Variants in RNF24 observed in about 807,000 individuals in gnomAD.
RNF24 encodes the protein ring finger protein 24.
RNF24 carries 14 observed loss-of-function variants against 20.0 expected under a neutral mutation model. The observed-to-expected ratio is 0.70, with a 90% CI of 0.46 to 1.10. RNF24 has a LOEUF of 1.10. Ranked by LOEUF, RNF24 falls within the 50% of genes least tolerant of loss-of-function variation. RNF24 has a pLI of 0.00. For synonymous variants in RNF24, 45 were observed against 61.1 expected, an observed-to-expected ratio of 0.74 and a Z score of 1.23; for missense variants, 124 against 177.6, an observed-to-expected ratio of 0.70 and a Z score of 1.71.
At chr20:3,941,180 T>C (rs2090951057) in intron 4 of RNF24, among the ~76,000 whole-genome samples, 1 of 152,148 alleles carries the variant, frequency 6.6e-6, no homozygotes, top group South Asian at 2.1e-4. Flanking sequence ...AGGTATGTGC[T>C]ACCTGTAAGT....
intron 4 of RNF24, among the ~76,000 whole-genome samples, chr20:3,935,739 C>A (rs1411807231): frequency 6.6e-6 from 1 of 152,238 alleles, no homozygotes; most frequent in African/African-American, 2.4e-5. Context: ...TGGGTTCCAA[C>A]ACTTTCCTGG....
chr20:3,976,376 C>T (rs1246565140), intron 1 of RNF24, among the ~76,000 whole-genome samples: 1 of 152,146 alleles, frequency 6.6e-6, no homozygotes, highest in African/African-American at 2.4e-5. Flanking sequence ...TGTAACAACA[C>T]CAAATGCTGG....
chr20:4,000,054 TG>T (rs2147062809), intron 1 of RNF24, among the ~76,000 whole-genome samples: 1 of 152,214 alleles, frequency 6.6e-6, no homozygotes, highest in East Asian at 1.9e-4. Context: ...CCATTCTTTT[TG>T]GAATAATGAT....
At position 3,948,219 on chromosome 20, in the gene RNF24, CTG is replaced by C. The variant is rs1425449174; in HGVS notation, c.186+16_186+17del. On this transcript the variant is annotated intron_variant, in intron 3 of 5. Coordinates refer to ENST00000358395, the MANE Select transcript of RNF24 (RefSeq NM_001134337.3). ...GGGGAAAAAAAAAATCAAAGCCAATCTGAATTAAATTTCTCACCTGTTTGTAG... is the reference window on the plus strand; with the variant it reads ...GGGGAAAAAAAAAATCAAAGCCAATCAATTAAATTTCTCACCTGTTTGTAG... 1 of 1,567,636 alleles carries C rather than the reference CTG, an allele frequency of 6.4e-7. No individual in the cohort carries two copies. Among genetic ancestry groups the C allele is most frequent in the South Asian group, 1.2e-5 (1 of 83,548 alleles).
chr20:3,989,815 T>C (rs571339764), intron 1 of RNF24, among the ~76,000 whole-genome samples: 9 of 152,312 alleles, frequency 5.9e-5, no homozygotes, highest in Admixed American at 3.9e-4. Flanking sequence ...ACTCCATTAG[T>C]TTCTGAGTGA....
intron 4 of RNF24, among the ~76,000 whole-genome samples, chr20:3,943,839 A>G (rs1251696138): frequency 6.6e-6 from 1 of 152,234 alleles, no homozygotes; most frequent in Non-Finnish European, 1.5e-5. Context: ...AAAAGACTCC[A>G]AATGGGAAAC....
At chr20:3,955,512 C>G (rs879692624) in intron 2 of RNF24, among the ~76,000 whole-genome samples, 1 of 152,152 alleles carries the variant, frequency 6.6e-6, no homozygotes, top group African/African-American at 2.4e-5. Flanking sequence ...TATACCAGTA[C>G]CACAATTTTT....
intron 1 of RNF24, among the ~76,000 whole-genome samples, chr20:3,968,424 C>T (rs2146998939): frequency 6.6e-6 from 1 of 152,266 alleles, no homozygotes; most frequent in South Asian, 2.1e-4. Context: ...GCCTGGGAGA[C>T]ACAGGGAGAC....
chr20:3,977,466 G>A (rs1600681503), intron 1 of RNF24, among the ~76,000 whole-genome samples: 1 of 152,060 alleles, frequency 6.6e-6, no homozygotes, highest in East Asian at 1.9e-4. Flanking sequence ...GTAAAAAGGG[G>A]AAGAAGGGGG....
chr20:3,946,959 G>C (rs1163336502), intron 3 of RNF24, among the ~76,000 whole-genome samples: 1 of 152,068 alleles, frequency 6.6e-6, no homozygotes, highest in Non-Finnish European at 1.5e-5. Context: ...TTGGGAGGCC[G>C]AGGTGGGTGG....
chr20:4,003,803 T>C (rs1449120645), intron 1 of RNF24, among the ~76,000 whole-genome samples: 3 of 151,898 alleles, frequency 2.0e-5, no homozygotes, highest in African/African-American at 7.3e-5. Context: ...CCACCACACC[T>C]GGCTAATTTT....
At chr20:3,939,649 C>T (rs991018286) in intron 4 of RNF24, among the ~76,000 whole-genome samples, 1 of 152,172 alleles carries the variant, frequency 6.6e-6, no homozygotes, top group Non-Finnish European at 1.5e-5. Context: ...TAACTCTGTT[C>T]TTCTTTTTCA....
Position 3,933,154 on chromosome 20 carries a change from C to G in RNF24, c.*909G>C, listed in dbSNP as rs924198779. 3 of 374,424 alleles carry G rather than the reference C, an allele frequency of 8.0e-6. No homozygotes were observed. The highest frequency in any genetic ancestry group is 1.4e-5 in the Non-Finnish European group (3 of 216,326). The allele number at this position is 374,424 out of a possible 1,614,324, so 23.2% of individuals were successfully genotyped here. A position where few individuals can be genotyped will look rare whatever the true frequency, so the allele number is the denominator to read the frequency against. ...GAAGGAGGGGGAGAGGCCAAAGGGTCGGCATTCCCTTCATCCAGCCGGGCC... is the reference window on the plus strand; with the variant it reads ...GAAGGAGGGGGAGAGGCCAAAGGGTGGGCATTCCCTTCATCCAGCCGGGCC... On this transcript the variant is annotated 3_prime_UTR_variant, in exon 6 of 6. Transcript: ENST00000358395.
chr20:4,004,946 C>T (rs1488979059), intron 1 of RNF24, among the ~76,000 whole-genome samples: 1 of 152,178 alleles, frequency 6.6e-6, no homozygotes, highest in African/African-American at 2.4e-5. Context: ...TGCCCCCTAC[C>T]CCAAATCTCT....
chr20:3,999,012 G>A (rs1316107324), intron 1 of RNF24, among the ~76,000 whole-genome samples: 3 of 152,060 alleles, frequency 2.0e-5, no homozygotes, highest in Non-Finnish European at 4.4e-5. Flanking sequence ...CCCGCAAGGT[G>A]GGGGTTGCAG....
At chr20:3,984,160 T>C (rs936230124) in intron 1 of RNF24, among the ~76,000 whole-genome samples, 4 of 151,376 alleles carry the variant, frequency 2.6e-5, no homozygotes, top group Admixed American at 6.6e-5. Context: ...AGCCCAGGAA[T>C]TGGAGTCTGC....
chr20:4,004,014 C>T (rs1468476150), intron 1 of RNF24, among the ~76,000 whole-genome samples: 2 of 152,192 alleles, frequency 1.3e-5, no homozygotes, highest in Non-Finnish European at 2.9e-5. Context: ...ATCAGCTCAA[C>T]ACTAAAGGCC....
intron 1 of RNF24, among the ~76,000 whole-genome samples, chr20:3,975,993 G>A (rs1320832910): frequency 1.3e-5 from 2 of 152,060 alleles, no homozygotes; most frequent in East Asian, 3.8e-4. Flanking sequence ...CACCGTGTTG[G>A]TCAGGCTGGT....
In RNF24 at chr20:3,945,074, G is replaced by A. The variant is rs2091000593; in HGVS notation, c.228+103C>T. 1.7e-5 allele frequency: 24 copies of A among 1,430,992 alleles called. 2 individuals are homozygous for A. The South Asian group carries it at 3.0e-4, about 18-fold the overall frequency. 88.6% of individuals were successfully genotyped at this position (1,430,992 alleles called of 1,614,324 possible). On this transcript the variant is annotated intron_variant, in intron 4 of 5. Coordinates refer to ENST00000358395, the MANE Select transcript of RNF24 (RefSeq NM_001134337.3). ...TATTCTATTACCCCAATCAAAATAA[G>A]CCTATTTTTTTCAACTACTGAGAAT...
Sources: allele counts gnomAD v4.1 joint callset (sites outside exome capture counted in the v4.1 genomes callset), GRCh38; gene constraint gnomAD v4.1.1; transcripts MANE v1.5; gene names NCBI Gene and HGNC (gene_info 2026-07-23, HGNC 2026-07-21).